The following MSANTD4 variants were observed in gnomAD, a reference collection of about 807,000 sequenced individuals.
MSANTD4 encodes myb/SANT-like DNA-binding domain-containing protein 4.
A neutral mutation model predicts 34.3 loss-of-function variants in MSANTD4; 13 were observed. The ratio of observed to expected loss-of-function variants is 0.38; its 90% CI spans 0.25 to 0.60. MSANTD4 has a LOEUF of 0.60. Among genes scored for constraint, MSANTD4 ranks in the 20% least tolerant of loss-of-function variants. The pLI, the probability that MSANTD4 is intolerant of heterozygous loss-of-function variation, is 0.63. For synonymous variants in MSANTD4, 137 were observed against 145.2 expected (o/e 0.94, Z 0.41); for missense variants, 358 against 401.8 (o/e 0.89, Z 0.93).
chr11:106,017,814 G>A (rs1245316252), intron 1 of MSANTD4, among the ~76,000 whole-genome samples: 3 of 152,146 alleles, frequency 2.0e-5, no homozygotes, highest in African/African-American at 2.4e-5. Context: ...ATGAAGAGCC[G>A]AAGTTGGAAT....
chr11:106,012,871 T>C (rs1445031062), intron 1 of MSANTD4, among the ~76,000 whole-genome samples: 1 of 152,162 alleles, frequency 6.6e-6, no homozygotes, highest in Non-Finnish European at 1.5e-5. Flanking sequence ...ACATCCACAA[T>C]CCTCACTGCA....
At chr11:106,017,250 A>T (rs1037522416) in intron 1 of MSANTD4, among the ~76,000 whole-genome samples, 1 of 152,226 alleles carries the variant, frequency 6.6e-6, no homozygotes, top group African/African-American at 2.4e-5. Flanking sequence ...GTGTGTGTAC[A>T]TGTTCACAGA....
At position 106,010,911 on chromosome 11, in the gene MSANTD4, G is replaced by T; in HGVS notation, c.7C>A (p.Gln3Lys). 1 of 1,586,166 alleles carries T rather than the reference G, an allele frequency of 6.3e-7. No individual in the cohort carries two copies. The change falls in exon 2 of 3, where the codon CAG becomes AAG. Residue 3 changes from glutamine to lysine, a missense_variant. This residue lies in a region of MSANTD4 where 46 missense variants were observed against 84.3 expected (regional missense o/e 0.55). Transcript: ENST00000301919. ...TTGCTTTTCCTTTTTCTTTTCAACT[G>T]CTTCATTTTCAATTTCAATGCAGTT... MK[Q>K]LKRKRKSNFS... is the part of the protein sequence containing the mutation.
At position 106,008,663 on chromosome 11, in the gene MSANTD4, A is replaced by G. The variant is rs1185235101; in HGVS notation, c.*872T>C. On this transcript the variant is annotated 3_prime_UTR_variant, in exon 3 of 3. Transcript: ENST00000301919. ...TTTTACTAGCTTCAACTATTCACTT[A>G]TAAGATTTCAGTACATTACTGAAAT... 2 of 152,220 alleles carry G rather than the reference A, an allele frequency of 1.3e-5. No individual in the cohort carries two copies. The highest frequency in any genetic ancestry group is 2.9e-5 in the Non-Finnish European group (2 of 68,042). 9.4% of individuals were successfully genotyped at this position (152,220 alleles called of 1,614,324 possible).
chr11:106,011,415 CA>C (rs1186077686), intron 1 of MSANTD4, among the ~76,000 whole-genome samples: 1 of 152,186 alleles, frequency 6.6e-6, no homozygotes, highest in East Asian at 1.9e-4. Flanking sequence ...CCTTTGTCCA[CA>C]CTGTTCCTTC....
At chr11:106,014,925 AG>A (rs1240333485) in intron 1 of MSANTD4, among the ~76,000 whole-genome samples, 2 of 81,778 alleles carry the variant, frequency 2.4e-5, no homozygotes, top group African/African-American at 9.8e-5. Flanking sequence ...CCCACAAAAA[AG>A]GGCAACGTAT....
At chr11:106,020,049 C>T (rs1859983100) in intron 1 of MSANTD4, among the ~76,000 whole-genome samples, 1 of 152,184 alleles carries the variant, frequency 6.6e-6, no homozygotes, top group Non-Finnish European at 1.5e-5. Flanking sequence ...TTATCCATTG[C>T]CCAGTACAGT....
rs776922467 is a variant in MSANTD4 at position 106,009,677 on chromosome 11, T to G, written c.896A>C (p.Lys299Thr). ...CAGTTGCAAGCGTTCTCGCTCAAGTTTTAACTTCTCTGTTTCTATGTCCTG... is the reference window on the plus strand; with the variant it reads ...CAGTTGCAAGCGTTCTCGCTCAAGTGTTAACTTCTCTGTTTCTATGTCCTG... Reference protein sequence around the residue: ...QPQDIETEKLKLERERLQLEK... With the variant: ...QPQDIETEKLTLERERLQLEK... Residue 299 changes from lysine (K) to threonine (T), a missense_variant, in exon 3 of 3, where the codon AAA becomes ACA. This residue lies in a region of MSANTD4 where 312 missense variants were observed against 317.6 expected (regional missense o/e 0.98). Transcript: ENST00000301919. 6.2e-7 allele frequency: 1 copy of G among 1,614,194 alleles called. No individual in the cohort carries two copies. The highest frequency in any genetic ancestry group is 8.5e-7 in the Non-Finnish European group (1 of 1,180,034).
At chr11:106,012,555 G>A (rs1343484911) in intron 1 of MSANTD4, among the ~76,000 whole-genome samples, 1 of 152,144 alleles carries the variant, frequency 6.6e-6, no homozygotes, top group East Asian at 1.9e-4. Context: ...ATCCTCTCTT[G>A]TAAGCATTTC....
chr11:106,021,684 G>A lies in MSANTD4; in HGVS notation c.-873C>T, dbSNP rs1860042593. The A allele has an allele frequency of 6.6e-6, 1 of 152,162 alleles. No homozygotes were observed. Among genetic ancestry groups the A allele is most frequent in the African/African-American group, 2.4e-5 (1 of 41,428 alleles). The allele number at this position is 152,162 out of a possible 1,614,324, so 9.4% of individuals were successfully genotyped here. A position where few individuals can be genotyped will look rare whatever the true frequency, so the allele number is the denominator to read the frequency against. ...TTCTTCTCTAAAACTCGTGGTAGGT[G>A]CATAACAAGTATACTTATGGGTCGA... On this transcript the variant is annotated 5_prime_UTR_variant, in exon 1 of 3. Transcript: ENST00000301919.
Position 106,021,020 on chromosome 11 carries a change from T to G in MSANTD4, c.-209A>C, listed in dbSNP as rs963162702. The G allele has an allele frequency of 6.6e-6, 1 of 152,224 alleles. No individual in the cohort carries two copies. The highest frequency in any genetic ancestry group is 2.4e-5 in the African/African-American group (1 of 41,450). The allele number at this position is 152,224 out of a possible 1,614,324, so 9.4% of individuals were successfully genotyped here. Reference sequence around the variant, plus strand: ...TCCTGTCCTCTCCTTTATATGCCGGTATCCAAGTAACAGAAGCTTGGGTTT... The same window carrying G: ...TCCTGTCCTCTCCTTTATATGCCGGGATCCAAGTAACAGAAGCTTGGGTTT... On this transcript the variant is annotated 5_prime_UTR_variant, in exon 1 of 3. Transcript: ENST00000301919.
Position 106,015,133 on chromosome 11 carries a change from A to T in MSANTD4, c.-150-4066T>A, listed in dbSNP as rs113663388. 9.2e-5 allele frequency among the ~76,000 whole-genome samples: 14 copies of T among 152,336 alleles called. 1 individual carries two copies. The highest frequency in any genetic ancestry group is 3.4e-4 in the African/African-American group (14 of 41,552). The stretch of plus-strand genomic sequence containing the variant: ...CAAATGTAAACCTTTATCCTCTAGA[A>T]TATAAGCAAATAATATAAGCAAAGT... On this transcript the variant is annotated intron_variant, in intron 1 of 2. Coordinates refer to ENST00000301919, the MANE Select transcript of MSANTD4 (RefSeq NM_032424.3).
chr11:106,020,705 A>G (rs949202061), intron 1 of MSANTD4, among the ~76,000 whole-genome samples: 11 of 152,318 alleles, frequency 7.2e-5, no homozygotes, highest in South Asian at 2.1e-4. Flanking sequence ...TCCTAACTCC[A>G]TATCTCTAAC....
intron 1 of MSANTD4, among the ~76,000 whole-genome samples, chr11:106,012,589 T>C (rs954030210): frequency 2.0e-5 from 3 of 152,180 alleles, no homozygotes; most frequent in Non-Finnish European, 2.9e-5. Flanking sequence ...ACAATGTTTC[T>C]CCAATTTCCA....
intron 1 of MSANTD4, among the ~76,000 whole-genome samples, chr11:106,018,474 G>C (rs1212458017): frequency 6.6e-6 from 1 of 152,168 alleles, no homozygotes; most frequent in Non-Finnish European, 1.5e-5. Context: ...CGGGCATTCA[G>C]AGTTTAAAAG....
intron 1 of MSANTD4, among the ~76,000 whole-genome samples, chr11:106,016,334 T>C (rs1859847903): frequency 6.6e-6 from 1 of 152,212 alleles, no homozygotes; most frequent in Non-Finnish European, 1.5e-5. Flanking sequence ...TGAAGCAAAG[T>C]GATTTACACA....
chr11:106,013,692 A>T (rs1859763174), intron 1 of MSANTD4, among the ~76,000 whole-genome samples: 1 of 152,140 alleles, frequency 6.6e-6, no homozygotes, highest in African/African-American at 2.4e-5. Context: ...AAAACCCCGT[A>T]TCTACTAAAA....
chr11:106,019,799 A>G (rs927475400), intron 1 of MSANTD4, among the ~76,000 whole-genome samples: 1 of 152,252 alleles, frequency 6.6e-6, no homozygotes, highest in African/African-American at 2.4e-5. Context: ...TACATAAACA[A>G]ATTGTAATGA....
intron 1 of MSANTD4, among the ~76,000 whole-genome samples, chr11:106,012,054 A>G (rs1318022656): frequency 1.3e-5 from 2 of 152,084 alleles, no homozygotes; most frequent in Non-Finnish European, 2.9e-5. Flanking sequence ...AGGGGTAACA[A>G]AAAAATGGCA....
Sources: allele counts gnomAD v4.1 joint callset (sites outside exome capture counted in the v4.1 genomes callset), GRCh38; gene constraint gnomAD v4.1.1; regional missense constraint gnomAD v4.1.1; transcripts MANE v1.5; gene names NCBI Gene and HGNC (gene_info 2026-07-23, HGNC 2026-07-21).